CDK19: variants seen among roughly 807,000 people sequenced by gnomAD.
The protein encoded by CDK19 is cyclin dependent kinase 19.
CDK19 carries 20 observed loss-of-function variants against 68.3 expected under a neutral mutation model. The ratio of observed to expected loss-of-function variants is 0.29; its 90% CI spans 0.21 to 0.43. CDK19 has a LOEUF of 0.43. Ranked by LOEUF, CDK19 falls within the 20% of genes least tolerant of loss-of-function variation. The pLI, the probability that CDK19 is intolerant of heterozygous loss-of-function variation, is 1.00. For synonymous variants in CDK19, 221 were observed against 222.8 expected (o/e 0.99, Z 0.07); for missense variants, 339 against 623.5 (o/e 0.54, Z 4.86).
At chr6:110,801,724 G>C (rs1448440610) in intron 1 of CDK19, among the ~76,000 whole-genome samples, 1 of 152,164 alleles carries the variant, frequency 6.6e-6, no homozygotes, top group Non-Finnish European at 1.5e-5. Context: ...TGTTAGCCAG[G>C]ATGGTCTCGA....
intron 1 of CDK19, among the ~76,000 whole-genome samples, chr6:110,795,386 AAG>A (rs1389649256): frequency 6.6e-6 from 1 of 152,194 alleles, no homozygotes; most frequent in African/African-American, 2.4e-5. Flanking sequence ...CCTAGGAGCT[AAG>A]AGAGATGTAA....
intron 1 of CDK19, among the ~76,000 whole-genome samples, chr6:110,791,323 G>A (rs975925784): frequency 6.6e-6 from 1 of 151,894 alleles, no homozygotes; most frequent in African/African-American, 2.4e-5. Flanking sequence ...AGGAAAGAAG[G>A]TCAGAAAGCA....
At chr6:110,649,048 A>C (rs1780805079) in intron 4 of CDK19, among the ~76,000 whole-genome samples, 1 of 152,110 alleles carries the variant, frequency 6.6e-6, no homozygotes, top group Non-Finnish European at 1.5e-5. Context: ...AAAGTCTTAA[A>C]TAAATTAACC....
chr6:110,803,484 A>G, intron 1 of CDK19, among the ~76,000 whole-genome samples: 1 of 152,246 alleles, frequency 6.6e-6, no homozygotes, highest in East Asian at 1.9e-4. Flanking sequence ...ACTTTGATAC[A>G]AATATACAAC....
At chr6:110,679,369 T>C (rs1366367925) in intron 2 of CDK19, among the ~76,000 whole-genome samples, 1 of 151,114 alleles carries the variant, frequency 6.6e-6, no homozygotes, top group Non-Finnish European at 1.5e-5. Flanking sequence ...TCCCAGCACT[T>C]GGGGAGGCCA....
intron 8 of CDK19, among the ~76,000 whole-genome samples, chr6:110,624,632 A>C (rs1286511948): frequency 6.6e-6 from 1 of 152,180 alleles, no homozygotes; most frequent in African/African-American, 2.4e-5. Context: ...CTACTAAAAA[A>C]TTGTCTTAGC....
chr6:110,683,621 T>A (rs1772198299), intron 2 of CDK19, among the ~76,000 whole-genome samples: 1 of 152,132 alleles, frequency 6.6e-6, no homozygotes, highest in Non-Finnish European at 1.5e-5. Flanking sequence ...TGAAACCAAG[T>A]AAGCTTTGCG....
At chr6:110,643,123 G>A in intron 4 of CDK19, 2 of 1,123,772 alleles carry the variant, frequency 1.8e-6, no homozygotes, top group Non-Finnish European at 2.3e-6. Context: ...GACCTTCAAG[G>A]GCACTAAAGG....
chr6:110,652,960 G>A (rs957361784), intron 4 of CDK19, among the ~76,000 whole-genome samples: 1 of 152,074 alleles, frequency 6.6e-6, no homozygotes, highest in African/African-American at 2.4e-5. Context: ...CCTAGAGCTT[G>A]GGCAGTAACC....
At chr6:110,802,031 A>G (rs902702473) in intron 1 of CDK19, among the ~76,000 whole-genome samples, 7 of 152,194 alleles carry the variant, frequency 4.6e-5, no homozygotes, top group Admixed American at 4.6e-4. Flanking sequence ...ATAAAAAGCA[A>G]GAGATGTTGG....
At chr6:110,718,500 G>A (rs966639932) in intron 2 of CDK19, among the ~76,000 whole-genome samples, 1 of 151,978 alleles carries the variant, frequency 6.6e-6, no homozygotes, top group Non-Finnish European at 1.5e-5. Context: ...ATAGTGTGTA[G>A]AACAAAAGCA....
intron 1 of CDK19, among the ~76,000 whole-genome samples, chr6:110,761,397 G>A (rs1282245271): frequency 6.6e-6 from 1 of 152,200 alleles, no homozygotes; most frequent in Non-Finnish European, 1.5e-5. Context: ...GATCTTACAG[G>A]TAATTAGGAA....
intron 6 of CDK19, among the ~76,000 whole-genome samples, chr6:110,627,352 G>A (rs1466718121): frequency 6.6e-6 from 1 of 151,296 alleles, no homozygotes; most frequent in Non-Finnish European, 1.5e-5. Flanking sequence ...GTGTGTGTAT[G>A]TGTATATATA....
At chr6:110,671,246 A>G (rs1421343070) in intron 2 of CDK19, among the ~76,000 whole-genome samples, 1 of 152,204 alleles carries the variant, frequency 6.6e-6, no homozygotes, top group Non-Finnish European at 1.5e-5. Context: ...AGCAGCAAGC[A>G]GAAACAGCAC....
intron 12 of CDK19, among the ~76,000 whole-genome samples, chr6:110,616,189 C>T (rs1185290404): frequency 2.0e-5 from 3 of 152,114 alleles, no homozygotes; most frequent in Admixed American, 6.5e-5. Flanking sequence ...ATCTGGGCAG[C>T]GAGCAAGAAG....
intron 2 of CDK19, among the ~76,000 whole-genome samples, chr6:110,702,935 A>G (rs1394166098): frequency 6.6e-6 from 1 of 152,192 alleles, no homozygotes; most frequent in Non-Finnish European, 1.5e-5. Context: ...CAATTGTGAT[A>G]TTGTTTGAAT....
intron 2 of CDK19, among the ~76,000 whole-genome samples, chr6:110,680,265 C>G (rs765209140): frequency 1.3e-5 from 2 of 152,106 alleles, no homozygotes; most frequent in Non-Finnish European, 2.9e-5. Context: ...GATCTTTAAC[C>G]TGGTGTATAA....
intron 2 of CDK19, among the ~76,000 whole-genome samples, chr6:110,675,596 C>T (rs1177016465): frequency 7.4e-6 from 1 of 135,938 alleles, no homozygotes; most frequent in Admixed American, 8.8e-5. Context: ...CATTGCACTC[C>T]AGCCTGGGCA....
intron 4 of CDK19, among the ~76,000 whole-genome samples, chr6:110,649,732 C>A (rs1780848826): frequency 6.6e-6 from 1 of 152,074 alleles, no homozygotes; most frequent in South Asian, 2.1e-4. Flanking sequence ...AACCAATACA[C>A]ATATTAAAAA....
Sources: allele counts gnomAD v4.1 joint callset (sites outside exome capture counted in the v4.1 genomes callset), GRCh38; gene constraint gnomAD v4.1.1; transcripts MANE v1.5; gene names NCBI Gene and HGNC (gene_info 2026-07-23, HGNC 2026-07-21).